Variants in GNG12 observed in about 807,000 individuals in gnomAD.
GNG12 encodes the protein guanine nucleotide-binding protein G(I)/G(S)/G(O) subunit gamma-12.
For missense variants in GNG12, 69 were observed against 83.8 expected (o/e 0.82, Z 0.69); for synonymous variants, 28 against 29.7 (o/e 0.94, Z 0.19).
At chr1:67,731,457 G>A (rs1646419012) in intron 2 of GNG12, among the ~76,000 whole-genome samples, 1 of 152,216 alleles carries the variant, frequency 6.6e-6, no homozygotes, top group African/African-American at 2.4e-5. Flanking sequence ...CCTTTTGGCT[G>A]GGGGAAACTC....
chr1:67,753,529 C>T (rs1646551250), intron 2 of GNG12, among the ~76,000 whole-genome samples: 1 of 152,160 alleles, frequency 6.6e-6, no homozygotes, highest in African/African-American at 2.4e-5. Flanking sequence ...GCAGGCCAGC[C>T]AGAACTGAAG....
intron 1 of GNG12, among the ~76,000 whole-genome samples, chr1:67,826,281 T>C (rs1030403439): frequency 6.6e-6 from 1 of 152,242 alleles, no homozygotes; most frequent in Non-Finnish European, 1.5e-5. Context: ...GCAGGCTTGA[T>C]AGCATCAGAA....
chr1:67,821,135 G>C (rs554362044), intron 1 of GNG12, among the ~76,000 whole-genome samples: 17 of 152,306 alleles, frequency 1.1e-4, no homozygotes, highest in African/African-American at 4.1e-4. Context: ...TAGGCAGAAA[G>C]CTCCAAGGAT....
At chr1:67,783,946 C>T (rs1469744647) in intron 1 of GNG12, among the ~76,000 whole-genome samples, 1 of 150,190 alleles carries the variant, frequency 6.7e-6, no homozygotes. Context: ...TACCATTTGA[C>T]CCAGCCATCC....
At chr1:67,733,306 G>A (rs1407121460) in intron 2 of GNG12, among the ~76,000 whole-genome samples, 1 of 152,096 alleles carries the variant, frequency 6.6e-6, no homozygotes. Context: ...ATATGCATGT[G>A]TATAGAATAC....
At chr1:67,800,756 C>T (rs1157692326) in intron 1 of GNG12, among the ~76,000 whole-genome samples, 1 of 152,054 alleles carries the variant, frequency 6.6e-6, no homozygotes, top group Non-Finnish European at 1.5e-5. Context: ...TTTTATCCAC[C>T]TCTGTTTTTG....
At chr1:67,783,961 ACT>A (rs1423059254) in intron 1 of GNG12, among the ~76,000 whole-genome samples, 1 of 150,904 alleles carries the variant, frequency 6.6e-6, no homozygotes, top group Admixed American at 6.6e-5. Context: ...CCATCCCATT[ACT>A]GGGTATATAC....
At chr1:67,828,424 G>A (rs1024499274) in intron 1 of GNG12, among the ~76,000 whole-genome samples, 26 of 152,352 alleles carry the variant, frequency 1.7e-4, no homozygotes, top group African/African-American at 6.3e-4. Flanking sequence ...GAGATGTGGA[G>A]TTAAGATGCT....
At chr1:67,751,685 A>G (rs1340791570) in intron 2 of GNG12, among the ~76,000 whole-genome samples, 2 of 152,258 alleles carry the variant, frequency 1.3e-5, no homozygotes, top group Non-Finnish European at 2.9e-5. Context: ...TTCCCATTCA[A>G]TAGCATCCTG....
intron 2 of GNG12, among the ~76,000 whole-genome samples, chr1:67,754,409 C>A (rs1570515517): frequency 6.6e-6 from 1 of 152,146 alleles, no homozygotes; most frequent in Admixed American, 6.5e-5. Flanking sequence ...TTCTGGACTC[C>A]CCACTCCTCC....
At chr1:67,828,377 C>T (rs1369125403) in intron 1 of GNG12, among the ~76,000 whole-genome samples, 1 of 152,212 alleles carries the variant, frequency 6.6e-6, no homozygotes, top group Admixed American at 6.5e-5. Flanking sequence ...ACTCTCACCT[C>T]TGGCTGGATG....
chr1:67,725,566 C>T (rs1447572299), intron 2 of GNG12, among the ~76,000 whole-genome samples: 1 of 152,226 alleles, frequency 6.6e-6, no homozygotes, highest in Non-Finnish European at 1.5e-5. Flanking sequence ...CCCAAGTCAA[C>T]TTCTGACAGT....
chr1:67,770,714 A>T (rs929047077), intron 2 of GNG12, among the ~76,000 whole-genome samples: 9 of 152,094 alleles, frequency 5.9e-5, no homozygotes, highest in African/African-American at 1.9e-4. Context: ...CAGGAGAGAA[A>T]AAAGTCCCCT....
intron 1 of GNG12, among the ~76,000 whole-genome samples, chr1:67,814,081 C>T (rs1646940623): frequency 6.6e-6 from 1 of 152,134 alleles, no homozygotes; most frequent in Admixed American, 6.5e-5. Flanking sequence ...CTCTCTAATA[C>T]TACATGAGCC....
chr1:67,791,067 GA>G lies in GNG12; in HGVS notation c.-76-13561del, dbSNP rs1027547610. ...CTGAAATGTTCATAGTGGCTCAGGG[GA>G]AGGGTAACACAAGAGTTAATTCTGA... On this transcript the variant is annotated intron_variant, in intron 1 of 3. Transcript: ENST00000370982. Among the ~76,000 whole-genome samples, 19 of 152,278 alleles carry G rather than the reference GA, an allele frequency of 1.2e-4. 1 individual carries two copies. Among genetic ancestry groups the G allele is most frequent in the Admixed American group, 1.2e-3 (19 of 15,296 alleles).
At chr1:67,772,232 T>A (rs115201618) in intron 2 of GNG12, among the ~76,000 whole-genome samples, 1 of 152,196 alleles carries the variant, frequency 6.6e-6, no homozygotes, top group Non-Finnish European at 1.5e-5. Context: ...AGTCTATTCA[T>A]AGTCTCCAGA....
chr1:67,707,863 C>T (rs536592431), intron 2 of GNG12, among the ~76,000 whole-genome samples, 151 bp from the exon 3 acceptor site: 5 of 152,300 alleles, frequency 3.3e-5, no homozygotes, highest in Admixed American at 1.3e-4. Context: ...CTTAGAAATT[C>T]GAGTGGTGAC....
At position 67,703,877 on chromosome 1, in the gene GNG12, CA is replaced by C. The variant is rs2100660993; in HGVS notation, c.*1573del. On this transcript the variant is annotated 3_prime_UTR_variant, in exon 4 of 4. Coordinates refer to ENST00000370982, the MANE Select transcript of GNG12 (RefSeq NM_018841.6). ...GGTTTGCTTTCCAGGACAGATTGTA[CA>C]AAATTTGGGAAAATCGTTGTAAATA... is the stretch of plus-strand genomic sequence containing the variant. 6.6e-6 allele frequency: 1 copy of C among 152,312 alleles called. No individual in the cohort carries two copies. Among genetic ancestry groups the C allele is most frequent in the East Asian group, 1.9e-4 (1 of 5,186 alleles). The allele number at this position is 152,312 out of a possible 1,614,324, so 9.4% of individuals were successfully genotyped here.
At chr1:67,762,991 T>C (rs891561976) in intron 2 of GNG12, among the ~76,000 whole-genome samples, 1 of 152,014 alleles carries the variant, frequency 6.6e-6, no homozygotes, top group Non-Finnish European at 1.5e-5. Context: ...TTAACTTTTA[T>C]TTTGATATAA....
Sources: allele counts gnomAD v4.1 joint callset (sites outside exome capture counted in the v4.1 genomes callset), GRCh38; gene constraint gnomAD v4.1.1; transcripts MANE v1.5; gene names NCBI Gene and HGNC (gene_info 2026-07-23, HGNC 2026-07-21).